TENM4: variants seen among roughly 807,000 people sequenced by gnomAD.
TENM4 encodes the protein teneurin transmembrane protein 4.
A neutral mutation model predicts 243.3 loss-of-function variants in TENM4; 82 were observed. That is an observed-to-expected ratio of 0.34 (90% CI 0.28 to 0.40). TENM4 has a LOEUF of 0.40. Ranked by LOEUF, TENM4 falls within the 10% of genes least tolerant of loss-of-function variation. TENM4 has a pLI of 1.00. For synonymous variants in TENM4, 1,412 were observed against 1,456.3 expected (o/e 0.97, Z 0.69); for missense variants, 3,138 against 3,673.3 (o/e 0.85, Z 3.77).
intron 6 of TENM4, among the ~76,000 whole-genome samples, chr11:79,062,013 G>A (rs1441668532): frequency 6.6e-6 from 1 of 150,784 alleles, no homozygotes; most frequent in East Asian, 1.9e-4. Context: ...CCAGGCTGGA[G>A]TGCAGTGGTG....
chr11:79,117,230 C>T (rs148727935), intron 4 of TENM4, among the ~76,000 whole-genome samples: 1 of 152,234 alleles, frequency 6.6e-6, no homozygotes, highest in Non-Finnish European at 1.5e-5. Flanking sequence ...GTGATTTTCC[C>T]CTTCATCAGC....
chr11:78,763,667 G>C (rs1433282036), intron 18 of TENM4, among the ~76,000 whole-genome samples: 1 of 152,190 alleles, frequency 6.6e-6, no homozygotes, highest in Non-Finnish European at 1.5e-5. Context: ...ATCCAAGCTA[G>C]ATGCCTGAAG....
At chr11:78,767,527 T>C (rs1352786721) in intron 18 of TENM4, among the ~76,000 whole-genome samples, 1 of 152,230 alleles carries the variant, frequency 6.6e-6, no homozygotes, top group Non-Finnish European at 1.5e-5. Flanking sequence ...GTCCAGGCCA[T>C]GTAATGACTT....
At chr11:79,067,013 G>A (rs1860277956) in intron 5 of TENM4, among the ~76,000 whole-genome samples, 1 of 152,204 alleles carries the variant, frequency 6.6e-6, no homozygotes, top group Admixed American at 6.5e-5. Flanking sequence ...CCACCTCAGT[G>A]CCTCCTTCCA....
chr11:78,914,566 G>A (rs1315014376), intron 6 of TENM4, among the ~76,000 whole-genome samples: 1 of 152,156 alleles, frequency 6.6e-6, no homozygotes, highest in African/African-American at 2.4e-5. Flanking sequence ...TGAATGTCAA[G>A]CCTCTACTGC....
chr11:78,937,542 A>C (rs1446837169), intron 6 of TENM4, among the ~76,000 whole-genome samples: 4 of 152,188 alleles, frequency 2.6e-5, no homozygotes, highest in Non-Finnish European at 5.9e-5. Flanking sequence ...CCCTATTTCA[A>C]ATAGCTCCTA....
intron 10 of TENM4, among the ~76,000 whole-genome samples, chr11:78,862,112 C>T (rs951783789): frequency 3.3e-5 from 5 of 152,168 alleles, no homozygotes; most frequent in African/African-American, 1.2e-4. Context: ...AGGAAATATC[C>T]ATGTCTCATT....
At chr11:79,270,225 T>C (rs1189699796) in intron 2 of TENM4, among the ~76,000 whole-genome samples, 1 of 152,124 alleles carries the variant, frequency 6.6e-6, no homozygotes, top group African/African-American at 2.4e-5. Flanking sequence ...CCAGTTTGGG[T>C]TGTTAACAAT....
intron 1 of TENM4, among the ~76,000 whole-genome samples, chr11:79,332,051 T>G (rs1311117108): frequency 6.6e-6 from 1 of 152,226 alleles, no homozygotes; most frequent in East Asian, 1.9e-4. Context: ...GAGCATGTAC[T>G]CAATGTCAGG....
intron 6 of TENM4, among the ~76,000 whole-genome samples, chr11:78,989,320 G>T (rs1488699989): frequency 6.6e-6 from 1 of 152,154 alleles, no homozygotes; most frequent in Non-Finnish European, 1.5e-5. Context: ...AATATTTTTG[G>T]TCCAGTCCTT....
At chr11:78,934,191 T>C (rs1463424988) in intron 6 of TENM4, among the ~76,000 whole-genome samples, 3 of 152,114 alleles carry the variant, frequency 2.0e-5, no homozygotes, top group Non-Finnish European at 2.9e-5. Context: ...AGTCACAATA[T>C]TGGGGCTTTG....
intron 1 of TENM4, among the ~76,000 whole-genome samples, chr11:79,303,810 G>A (rs1041016026): frequency 1.3e-5 from 2 of 152,082 alleles, no homozygotes; most frequent in Admixed American, 1.3e-4. Flanking sequence ...ATGATGGATG[G>A]CTGGCCTACT....
chr11:78,891,406 C>A, intron 7 of TENM4, 70 bp from the exon 8 acceptor site: 15 of 1,384,562 alleles, frequency 1.1e-5, no homozygotes, highest in Non-Finnish European at 1.5e-5. Flanking sequence ...TAGAGAAACA[C>A]ACAAAGTGGC....
chr11:78,820,878 AAAG>A (rs1454528624), intron 12 of TENM4, among the ~76,000 whole-genome samples: 2 of 152,228 alleles, frequency 1.3e-5, no homozygotes, highest in South Asian at 2.1e-4. Flanking sequence ...CCAACATCTG[AAAG>A]AAGTTTTCTC....
chr11:78,905,341 G>A (rs1347971332), intron 6 of TENM4, among the ~76,000 whole-genome samples: 2 of 152,136 alleles, frequency 1.3e-5, no homozygotes, highest in East Asian at 3.9e-4. Flanking sequence ...TCTGCTTTTT[G>A]AGTAAATCAA....
At chr11:79,382,076 A>T (rs1858015940) in intron 1 of TENM4, among the ~76,000 whole-genome samples, 1 of 152,218 alleles carries the variant, frequency 6.6e-6, no homozygotes, top group Admixed American at 6.5e-5. Flanking sequence ...CTCAACTTAG[A>T]CATAATTACA....
chr11:79,169,324 G>A (rs1862987630), intron 3 of TENM4, among the ~76,000 whole-genome samples: 1 of 152,202 alleles, frequency 6.6e-6, no homozygotes, highest in Admixed American at 6.5e-5. Flanking sequence ...GGCCTCAGTA[G>A]CAGTTGGGAA....
chr11:79,258,625 G>T (rs1398965084), intron 2 of TENM4, among the ~76,000 whole-genome samples: 2 of 152,164 alleles, frequency 1.3e-5, no homozygotes, highest in Admixed American at 1.3e-4. Flanking sequence ...CTGCACCAGG[G>T]AATCTTTACT....
At chr11:78,763,494 GGT>G (rs1191847219) in intron 18 of TENM4, among the ~76,000 whole-genome samples, 2 of 152,226 alleles carry the variant, frequency 1.3e-5, no homozygotes, top group African/African-American at 4.8e-5. Context: ...ACATGCTGCT[GGT>G]GCATGGAGGG....
Sources: allele counts gnomAD v4.1 joint callset (sites outside exome capture counted in the v4.1 genomes callset), GRCh38; gene constraint gnomAD v4.1.1; transcripts MANE v1.5; gene names NCBI Gene and HGNC (gene_info 2026-07-23, HGNC 2026-07-21).